PTPRG: variants seen among roughly 807,000 people sequenced by gnomAD.
The protein encoded by PTPRG is protein tyrosine phosphatase receptor type G.
PTPRG carries 102 observed loss-of-function variants against 165.3 expected under a neutral mutation model. That is an observed-to-expected ratio of 0.62 (90% CI 0.53 to 0.73). The LOEUF (loss-of-function observed/expected upper bound fraction) is 0.73, where lower values mean the gene tolerates loss of function less well. Ranked by LOEUF, PTPRG falls within the 30% of genes least tolerant of loss-of-function variation. The pLI is 0.00. For synonymous variants in PTPRG, 675 were observed against 669.5 expected, an observed-to-expected ratio of 1.01 and a Z score of -0.13; for missense variants, 1,866 against 1,861.4, an observed-to-expected ratio of 1.00 and a Z score of -0.05.
intron 4 of PTPRG, among the ~76,000 whole-genome samples, chr3:62,052,289 T>C (rs1005815828): frequency 6.6e-6 from 1 of 152,258 alleles, no homozygotes; most frequent in African/African-American, 2.4e-5. Context: ...ATTGTGTTAG[T>C]ACAGTAATCC....
intron 2 of PTPRG, among the ~76,000 whole-genome samples, chr3:61,800,949 C>G (rs1010936641): frequency 6.6e-6 from 1 of 152,114 alleles, no homozygotes; most frequent in Non-Finnish European, 1.5e-5. Flanking sequence ...CCGGCCAGAA[C>G]TCTGCACAGT....
rs956657009 is a variant in PTPRG at position 62,219,871 on chromosome 3, G to C, written c.2288+888G>C. Among the ~76,000 whole-genome samples, 4 of 152,234 alleles carry C rather than the reference G, an allele frequency of 2.6e-5. No individual in the cohort carries two copies. The highest frequency in any genetic ancestry group is 9.6e-5 in the African/African-American group (4 of 41,460). On this transcript the variant is annotated intron_variant, in intron 13 of 29. Transcript: ENST00000474889. The surrounding 1 kb of genome is among the most constrained non-coding windows in gnomAD (Gnocchi z 4.5). ...GCTTACAGTTTAGTGGAGGAGGCAGGCAATAAACAAAGCAAATAAGTAAAA... is the reference window on the plus strand; with the variant it reads ...GCTTACAGTTTAGTGGAGGAGGCAGCCAATAAACAAAGCAAATAAGTAAAA...
chr3:62,121,696 T>C (rs1703079197), intron 5 of PTPRG, among the ~76,000 whole-genome samples: 1 of 152,146 alleles, frequency 6.6e-6, no homozygotes, highest in African/African-American at 2.4e-5. Flanking sequence ...TACACCACCC[T>C]CTCCCCTACT....
chr3:61,784,699 T>A (rs572359368), intron 2 of PTPRG, among the ~76,000 whole-genome samples: 60 of 152,324 alleles, frequency 3.9e-4, no homozygotes, highest in South Asian at 1.7e-3. Context: ...TGCCTTTCCA[T>A]TTTTACATGT....
chr3:61,752,838 A>G (rs915294069), intron 2 of PTPRG, among the ~76,000 whole-genome samples: 6 of 150,296 alleles, frequency 4.0e-5, no homozygotes, highest in Non-Finnish European at 8.9e-5. Flanking sequence ...ACTCCTGCTT[A>G]TAGTAATATA....
intron 2 of PTPRG, among the ~76,000 whole-genome samples, chr3:61,893,146 C>G (rs2038263100): frequency 6.6e-6 from 1 of 152,104 alleles, no homozygotes; most frequent in Non-Finnish European, 1.5e-5. Context: ...GGAGGAAGTT[C>G]TAATTGGAGT....
rs769861480 is a variant in PTPRG, at chr3:62,231,219, A to T, written c.2289-6A>T. 6.4e-7 allele frequency: 1 copy of T among 1,556,616 alleles called. No individual in the cohort carries two copies. The highest frequency in any genetic ancestry group is 8.7e-7 in the Non-Finnish European group (1 of 1,152,094). Reference sequence around the variant, plus strand: ...ACCTGTTCTCTTTTGTTTTTTGTCCATTTAGAGGGTGTAACAAAATAAAGT... The same window carrying T: ...ACCTGTTCTCTTTTGTTTTTTGTCCTTTTAGAGGGTGTAACAAAATAAAGT... On this transcript the variant is annotated splice_region_variant and splice_polypyrimidine_tract_variant and intron_variant, in intron 13 of 29. Transcript: ENST00000474889.
At chr3:61,823,469 G>A (rs1347429627) in intron 2 of PTPRG, among the ~76,000 whole-genome samples, 1 of 151,856 alleles carries the variant, frequency 6.6e-6, no homozygotes, top group African/African-American at 2.4e-5. Context: ...TTACAGGCGT[G>A]AGCCACCAGG....
At chr3:62,227,548 G>GA (rs370665621) in intron 13 of PTPRG, among the ~76,000 whole-genome samples, 20 of 152,344 alleles carry the variant, frequency 1.3e-4, no homozygotes, top group African/African-American at 4.6e-4. Flanking sequence ...CCAGAAGGGG[G>GA]AATGACTTGT....
At chr3:62,049,461 A>G (rs1284151969) in intron 4 of PTPRG, among the ~76,000 whole-genome samples, 2 of 152,222 alleles carry the variant, frequency 1.3e-5, no homozygotes, top group East Asian at 1.9e-4. Flanking sequence ...TGTGCATATA[A>G]TGGAAGTTTG....
intron 2 of PTPRG, among the ~76,000 whole-genome samples, chr3:61,838,899 G>A (rs1273836670): frequency 6.6e-6 from 1 of 152,134 alleles, no homozygotes; most frequent in African/African-American, 2.4e-5. Context: ...TTTAAAAGGA[G>A]CTATATAAAA....
chr3:61,666,598 G>T (rs1202997803), intron 1 of PTPRG, among the ~76,000 whole-genome samples: 2 of 152,178 alleles, frequency 1.3e-5, no homozygotes, highest in Non-Finnish European at 2.9e-5. Context: ...CAGGTACCTG[G>T]CAGGTGGTTT....
intron 1 of PTPRG, chr3:61,742,782 C>A: frequency 6.2e-7 from 1 of 1,611,458 alleles, no homozygotes; most frequent in South Asian, 1.1e-5. Flanking sequence ...AGGCCAAAAA[C>A]GCATCATACT....
Position 62,195,786 on chromosome 3 carries a change from AT to A in PTPRG, c.1327+624del, listed in dbSNP as rs944370017. Among the ~76,000 whole-genome samples the A allele has an allele frequency of 1.3e-4, 20 of 151,616 alleles. No individual in the cohort carries two copies. The highest frequency in any genetic ancestry group is 1.9e-4 in the Non-Finnish European group (13 of 67,906). On this transcript the variant is annotated intron_variant, in intron 10 of 29. Transcript: ENST00000474889. The surrounding 1 kb of genome is among the most constrained non-coding windows in gnomAD (Gnocchi z 4.4). ...CCAAGAGACATAACATTTTAGTGGG[AT>A]TTTTTTTGTTTGTTTGTTTGTTTTG... is the stretch of plus-strand genomic sequence containing the variant.
chr3:62,131,791 C>T (rs1703524252), intron 5 of PTPRG, among the ~76,000 whole-genome samples: 1 of 152,130 alleles, frequency 6.6e-6, no homozygotes, highest in Non-Finnish European at 1.5e-5. Flanking sequence ...ATGTATACCC[C>T]GCTCACTCCC....
chr3:62,256,668 C>T (rs1483207804), intron 16 of PTPRG, among the ~76,000 whole-genome samples: 3 of 152,144 alleles, frequency 2.0e-5, no homozygotes, highest in Admixed American at 6.5e-5. Context: ...CATTTAACAA[C>T]GTTGATGGTA....
intron 7 of PTPRG, among the ~76,000 whole-genome samples, chr3:62,159,667 T>G (rs1457176756): frequency 1.3e-5 from 2 of 152,234 alleles, no homozygotes; most frequent in Non-Finnish European, 2.9e-5. Flanking sequence ...TGTATTTGCC[T>G]TCCAATATAT....
At chr3:62,205,616 G>A (rs2078313264) in intron 12 of PTPRG, among the ~76,000 whole-genome samples, 1 of 152,302 alleles carries the variant, frequency 6.6e-6, no homozygotes, top group East Asian at 1.9e-4. Flanking sequence ...AAGATCCAGG[G>A]AGGGGAATTC....
At chr3:61,941,872 A>G (rs1341080823) in intron 2 of PTPRG, among the ~76,000 whole-genome samples, 1 of 152,086 alleles carries the variant, frequency 6.6e-6, no homozygotes, top group Non-Finnish European at 1.5e-5. Context: ...GAAAGCCAGA[A>G]TGCTGGCCAG....
Sources: allele counts gnomAD v4.1 joint callset (sites outside exome capture counted in the v4.1 genomes callset), GRCh38; gene constraint gnomAD v4.1.1; non-coding constraint Gnocchi (gnomAD v3.1); transcripts MANE v1.5; gene names NCBI Gene and HGNC (gene_info 2026-07-23, HGNC 2026-07-21).